The following SEL1L3 variants were observed in gnomAD, a reference collection of about 807,000 sequenced individuals.
The protein encoded by SEL1L3 is SEL1L family member 3.
Under a neutral mutation model 142.8 loss-of-function variants are expected in SEL1L3, and 76 were observed. The ratio of observed to expected loss-of-function variants is 0.53; its 90% CI spans 0.44 to 0.64. The LOEUF is 0.64. SEL1L3 is among the 30% of genes least tolerant of loss of function. SEL1L3 has a pLI of 0.00. For synonymous variants in SEL1L3, 504 were observed against 519.6 expected (o/e 0.97, Z 0.41); for missense variants, 1,262 against 1,381.7 (o/e 0.91, Z 1.37).
chr4:25,812,909 A>T (rs1051121961), intron 9 of SEL1L3, among the ~76,000 whole-genome samples: 4 of 152,174 alleles, frequency 2.6e-5, no homozygotes, highest in African/African-American at 9.7e-5. Context: ...GCTACTCAGG[A>T]GGCTGAGGCA....
intron 11 of SEL1L3, among the ~76,000 whole-genome samples, chr4:25,801,977 C>G (rs1291427803): frequency 6.6e-6 from 1 of 152,176 alleles, no homozygotes; most frequent in Non-Finnish European, 1.5e-5. Context: ...AGACAAGATG[C>G]CTATGTTTCT....
At chr4:25,831,828 C>T (rs1046384213) in intron 5 of SEL1L3, among the ~76,000 whole-genome samples, 1 of 152,108 alleles carries the variant, frequency 6.6e-6, no homozygotes, top group East Asian at 1.9e-4. Context: ...TATCATCTGG[C>T]AACTAAGCTC....
At chr4:25,790,859 C>G (rs933701145) in intron 11 of SEL1L3, among the ~76,000 whole-genome samples, 8 of 152,038 alleles carry the variant, frequency 5.3e-5, no homozygotes, top group African/African-American at 1.7e-4. Flanking sequence ...GATATAAGCA[C>G]GCAAAAGACA....
At chr4:25,833,977 T>G (rs1369043136) in intron 3 of SEL1L3, among the ~76,000 whole-genome samples, 1 of 152,206 alleles carries the variant, frequency 6.6e-6, no homozygotes, top group African/African-American at 2.4e-5. Context: ...AAAACATAAT[T>G]AGAGCCTTTT....
chr4:25,774,040 C>T (rs962267131), intron 17 of SEL1L3, among the ~76,000 whole-genome samples: 5 of 152,200 alleles, frequency 3.3e-5, no homozygotes, highest in Non-Finnish European at 1.5e-5. Flanking sequence ...TTAGTTCATT[C>T]AATCAGTAGT....
chr4:25,863,534 T>C (rs1717906520), upstream of SEL1L3: 1 of 702,360 alleles, frequency 1.4e-6, no homozygotes, highest in Non-Finnish European at 2.6e-6. Flanking sequence ...GCAGGGCGAG[T>C]GTGCCCCCTG....
At chr4:25,812,428 T>A (rs1285191693) in intron 9 of SEL1L3, among the ~76,000 whole-genome samples, 1 of 152,198 alleles carries the variant, frequency 6.6e-6, no homozygotes, top group Non-Finnish European at 1.5e-5. Context: ...TTGGATGTCC[T>A]CAAAGACAGG....
intron 9 of SEL1L3, among the ~76,000 whole-genome samples, chr4:25,815,483 CAAT>C (rs1347858471): frequency 2.6e-5 from 4 of 152,112 alleles, no homozygotes; most frequent in Non-Finnish European, 5.9e-5. Context: ...TGAGCTGCAA[CAAT>C]AACATGAAAA....
chr4:25,827,463 A>G (rs1715168820), intron 6 of SEL1L3, among the ~76,000 whole-genome samples: 1 of 152,200 alleles, frequency 6.6e-6, no homozygotes. Context: ...AGAGACCGGG[A>G]GCAAATCTGT....
At chr4:25,821,896 T>A in intron 7 of SEL1L3, 100 bp downstream of exon 7, 1 of 1,240,698 alleles carries the variant, frequency 8.1e-7, no homozygotes, top group South Asian at 1.6e-5. Flanking sequence ...CGATGCATGG[T>A]CTGGCTTGGG....
chr4:25,767,434 C>A (rs1577573113), intron 19 of SEL1L3, 91 bp downstream of exon 19: 3 of 698,938 alleles, frequency 4.3e-6, no homozygotes, highest in Admixed American at 5.2e-5. Flanking sequence ...TTTAGAAATA[C>A]CTCACTTCAC....
At chr4:25,812,911 G>T (rs761486111) in intron 9 of SEL1L3, among the ~76,000 whole-genome samples, 7 of 152,172 alleles carry the variant, frequency 4.6e-5, no homozygotes, top group Non-Finnish European at 8.8e-5. Flanking sequence ...TACTCAGGAG[G>T]CTGAGGCAGG....
At chr4:25,837,216 A>G (rs1280705235) in intron 2 of SEL1L3, among the ~76,000 whole-genome samples, 1 of 150,900 alleles carries the variant, frequency 6.6e-6, no homozygotes, top group African/African-American at 2.5e-5. Context: ...GGAAGTTGAC[A>G]TCAGCTCAAC....
chr4:25,836,425 T>A (rs1385236953), intron 2 of SEL1L3, among the ~76,000 whole-genome samples: 1 of 151,996 alleles, frequency 6.6e-6, no homozygotes, highest in Non-Finnish European at 1.5e-5. Context: ...AGTGGGCAGA[T>A]CACTTGAGGT....
At chr4:25,732,072 AAAGG>A in the SEL1L3 span, among the ~76,000 whole-genome samples, 17 of 151,926 alleles carry the variant, frequency 1.1e-4, no homozygotes, top group South Asian at 4.2e-4. Context: ...GGAGTCTGTG[AAAGG>A]AAGGAAGGAA....
intron 23 of SEL1L3, among the ~76,000 whole-genome samples, chr4:25,749,558 G>A (rs908326507): frequency 3.9e-5 from 6 of 152,120 alleles, no homozygotes; most frequent in African/African-American, 9.7e-5. Flanking sequence ...CCCACAGCCC[G>A]GCCTAATTTT....
chr4:25,843,500 A>G (rs1360125971), intron 2 of SEL1L3, among the ~76,000 whole-genome samples: 1 of 152,200 alleles, frequency 6.6e-6, no homozygotes, highest in Non-Finnish European at 1.5e-5. Context: ...TCTGGGGCCC[A>G]AGTCACTGGC....
chr4:25,810,089 C>T (rs563011902), intron 9 of SEL1L3, among the ~76,000 whole-genome samples: 2 of 152,328 alleles, frequency 1.3e-5, no homozygotes, highest in Non-Finnish European at 2.9e-5. Flanking sequence ...GCCCAGGGAG[C>T]CGAGCCCAAC....
chr4:25,842,472 C>T (rs895077270), intron 2 of SEL1L3, among the ~76,000 whole-genome samples: 20 of 152,202 alleles, frequency 1.3e-4, no homozygotes, highest in African/African-American at 4.8e-4. Flanking sequence ...AAGACTTAAA[C>T]CACAAAGGGG....
Sources: gnomAD v4.1 joint callset for allele counts (sites outside exome capture counted in the v4.1 genomes callset) on GRCh38, gnomAD v4.1.1 for gene constraint, MANE v1.5 for transcripts, NCBI Gene and HGNC (gene_info 2026-07-23, HGNC 2026-07-21) for gene names.